The following CDH13 variants were observed in gnomAD, a reference collection of about 807,000 sequenced individuals.
CDH13 encodes cadherin-13.
A neutral mutation model predicts 63.8 loss-of-function variants in CDH13; 24 were observed. The observed-to-expected ratio is 0.38, with a 90% CI of 0.27 to 0.53. The LOEUF (loss-of-function observed/expected upper bound fraction) is 0.53. CDH13 is among the 20% of genes least tolerant of loss of function. The pLI is 0.85. For missense variants in CDH13, 1,049 were observed against 903.1 expected, an observed-to-expected ratio of 1.16 and a Z score of -2.07; for synonymous variants, 503 against 355.3, an observed-to-expected ratio of 1.42 and a Z score of -4.67.
intron 1 of CDH13, among the ~76,000 whole-genome samples, chr16:82,764,876 G>T (rs565838939): frequency 6.9e-6 from 1 of 144,132 alleles, no homozygotes; most frequent in Non-Finnish European, 1.5e-5. Context: ...GTGCAATGTT[G>T]TAATCTTGGC....
At chr16:83,181,907 T>C (rs181970947) in intron 4 of CDH13, among the ~76,000 whole-genome samples, 32 of 152,290 alleles carry the variant, frequency 2.1e-4, no homozygotes, top group Admixed American at 1.0e-3. Flanking sequence ...TAGGTGGTGA[T>C]TTGGAGCACA....
At chr16:82,718,594 G>A (rs1032424780) in intron 1 of CDH13, among the ~76,000 whole-genome samples, 1 of 152,172 alleles carries the variant, frequency 6.6e-6, no homozygotes, top group Non-Finnish European at 1.5e-5. Context: ...ATCTAAGACT[G>A]GGCAATTTAC....
At chr16:83,667,273 G>A (rs776141176) in intron 8 of CDH13, among the ~76,000 whole-genome samples, 1 of 152,164 alleles carries the variant, frequency 6.6e-6, no homozygotes, top group Non-Finnish European at 1.5e-5. Context: ...CACTAAAAAG[G>A]TATTCTATAC....
intron 7 of CDH13, among the ~76,000 whole-genome samples, chr16:83,524,743 C>T (rs568707858): frequency 4.0e-4 from 61 of 152,210 alleles, no homozygotes; most frequent in Non-Finnish European, 6.2e-4. Context: ...TGAGCCACCT[C>T]GCCCGGCCAA....
intron 1 of CDH13, among the ~76,000 whole-genome samples, chr16:82,829,008 A>C (rs1397142221): frequency 1.3e-5 from 2 of 152,138 alleles, no homozygotes; most frequent in African/African-American, 4.8e-5. Context: ...CTTAGGCTAG[A>C]GCGATGGGTT....
At chr16:82,817,901 GCATGCATA>G (rs2037801861) in intron 1 of CDH13, among the ~76,000 whole-genome samples, 1 of 152,188 alleles carries the variant, frequency 6.6e-6, no homozygotes, top group South Asian at 2.1e-4. Context: ...ACATACAAAT[GCATGCATA>G]CATGCACATA....
At chr16:83,434,511 T>G (rs2072227017) in intron 6 of CDH13, among the ~76,000 whole-genome samples, 1 of 151,984 alleles carries the variant, frequency 6.6e-6, no homozygotes, top group Non-Finnish European at 1.5e-5. Context: ...GAAGTGCCAA[T>G]GATTCAAGTC....
chr16:83,072,120 A>T (rs114959616), intron 3 of CDH13, among the ~76,000 whole-genome samples: 2 of 152,152 alleles, frequency 1.3e-5, no homozygotes, highest in African/African-American at 4.8e-5. Flanking sequence ...AAATTGTTCC[A>T]TCTTTTTGGT....
At chr16:83,344,426 C>T (rs1045604529) in intron 5 of CDH13, among the ~76,000 whole-genome samples, 2 of 152,204 alleles carry the variant, frequency 1.3e-5, no homozygotes, top group East Asian at 1.9e-4. Flanking sequence ...TGACTTTCTC[C>T]TAAAAGATTG....
intron 1 of CDH13, among the ~76,000 whole-genome samples, chr16:82,857,996 G>C (rs1597817949): frequency 1.3e-5 from 2 of 152,130 alleles, no homozygotes; most frequent in African/African-American, 2.4e-5. Flanking sequence ...AGATGACAAT[G>C]CTTCTTTGCT....
intron 1 of CDH13, among the ~76,000 whole-genome samples, chr16:82,632,257 G>A (rs1293983673): frequency 1.3e-5 from 2 of 152,150 alleles, no homozygotes; most frequent in South Asian, 2.1e-4. Flanking sequence ...TGGGACCTCT[G>A]CTTTCACAAA....
chr16:82,987,387 G>A (rs796315481), intron 2 of CDH13, among the ~76,000 whole-genome samples: 117 of 147,816 alleles, frequency 7.9e-4, no homozygotes, highest in African/African-American at 2.8e-3. Flanking sequence ...GTTTGTTTTT[G>A]AGACTTTGAG....
At chr16:83,700,985 A>C (rs538636682) in intron 10 of CDH13, among the ~76,000 whole-genome samples, 134 of 152,274 alleles carry the variant, frequency 8.8e-4, no homozygotes, top group African/African-American at 3.2e-3. Flanking sequence ...TCAATAAAAC[A>C]ACATTCTTCC....
chr16:82,896,712 G>A (rs4783296), intron 2 of CDH13, among the ~76,000 whole-genome samples: 121,294 of 149,846 alleles, frequency 0.81, 49,241 homozygotes, highest in African/African-American at 0.88. Flanking sequence ...GACTCTCAGT[G>A]AATAAGAGAC....
At chr16:83,528,387 G>A (rs944758266) in intron 7 of CDH13, among the ~76,000 whole-genome samples, 1 of 152,008 alleles carries the variant, frequency 6.6e-6, no homozygotes, top group Non-Finnish European at 1.5e-5. Flanking sequence ...CTTCTCCTTG[G>A]GGAAATCTCT....
intron 2 of CDH13, among the ~76,000 whole-genome samples, chr16:82,942,236 A>C (rs551745847): frequency 6.6e-6 from 1 of 152,164 alleles, no homozygotes; most frequent in Admixed American, 6.5e-5. Flanking sequence ...GTCAAGATGT[A>C]TGATTTTTCC....
chr16:83,374,113 A>G (rs1045474987), intron 6 of CDH13, among the ~76,000 whole-genome samples: 1 of 152,194 alleles, frequency 6.6e-6, no homozygotes, highest in Admixed American at 6.5e-5. Context: ...ACTTTCTTAT[A>G]TGTTCTTGCT....
At chr16:82,822,382 G>T (rs747282021) in intron 1 of CDH13, among the ~76,000 whole-genome samples, 8 of 152,174 alleles carry the variant, frequency 5.3e-5, no homozygotes, top group South Asian at 4.1e-4. Flanking sequence ...GGAGAAAATT[G>T]TGTGTTATAT....
intron 2 of CDH13, among the ~76,000 whole-genome samples, chr16:82,887,385 G>T (rs1051167538): frequency 1.3e-5 from 2 of 152,212 alleles, no homozygotes; most frequent in African/African-American, 4.8e-5. Context: ...TTGTTAATGA[G>T]AAAGAGTCTT....
Sources: gnomAD v4.1 joint callset for allele counts (sites outside exome capture counted in the v4.1 genomes callset) on GRCh38, gnomAD v4.1.1 for gene constraint, MANE v1.5 for transcripts, NCBI Gene and HGNC (gene_info 2026-07-23, HGNC 2026-07-21) for gene names.